TCF25: variants seen among roughly 807,000 people sequenced by gnomAD.
The protein encoded by TCF25 is ribosome quality control complex subunit TCF25.
In TCF25, 41 loss-of-function variants were observed where a neutral mutation model predicts 83.1. That is an observed-to-expected ratio of 0.49 (90% CI 0.38 to 0.64). The LOEUF is 0.64. Ranked by LOEUF, TCF25 falls within the 30% of genes least tolerant of loss-of-function variation. The pLI is 0.00. For synonymous variants in TCF25, 458 were observed against 365.0 expected (o/e 1.25, Z -2.90); for missense variants, 979 against 914.5 (o/e 1.07, Z -0.91).
chr16:89,909,176 C>T (rs1304504613), intron 16 of TCF25: 18 of 1,262,732 alleles, frequency 1.4e-5, no homozygotes, highest in Non-Finnish European at 1.9e-5. Flanking sequence ...CAAAACTGCA[C>T]CAGCCTGGCC....
At chr16:89,892,080 C>G (rs1057419631) in intron 5 of TCF25, 113 bp from the exon 6 acceptor site, 1 of 988,096 alleles carries the variant, frequency 1.0e-6, no homozygotes. Context: ...GCCCCACATG[C>G]CTTCTCTGCC....
intron 1 of TCF25, among the ~76,000 whole-genome samples, chr16:89,881,076 G>A (rs944139657): frequency 3.9e-5 from 6 of 152,342 alleles, no homozygotes; most frequent in South Asian, 2.1e-4. Flanking sequence ...CTCAACGGGC[G>A]TAAGTTGCTC....
chr16:89,898,710 T>G, intron 10 of TCF25, 57 bp from the exon 11 acceptor site: 1 of 1,612,182 alleles, frequency 6.2e-7, no homozygotes, highest in South Asian at 1.1e-5. Context: ...AGGCCCACTC[T>G]CAGCCTGACG....
At chr16:89,896,555 T>A (rs1321893933) in intron 9 of TCF25, among the ~76,000 whole-genome samples, 1 of 147,370 alleles carries the variant, frequency 6.8e-6, no homozygotes, top group Admixed American at 6.7e-5. Flanking sequence ...CAGCATTTTT[T>A]TTTTTTTTTT....
chr16:89,894,513 G>A (rs1036133166), intron 7 of TCF25, among the ~76,000 whole-genome samples: 11 of 152,216 alleles, frequency 7.2e-5, no homozygotes, highest in Non-Finnish European at 1.3e-4. Flanking sequence ...CTCTTTCTTG[G>A]GGCTTAGTGG....
At chr16:89,900,441 C>T (rs2044229790) in intron 11 of TCF25, among the ~76,000 whole-genome samples, 194 bp from the exon 12 acceptor site, 2 of 152,184 alleles carry the variant, frequency 1.3e-5, no homozygotes, top group South Asian at 4.1e-4. Flanking sequence ...TCCTCTGTAT[C>T]TTCTGCATGC....
At chr16:89,893,919 C>T (rs2043622458) in intron 7 of TCF25, 61 bp downstream of exon 7, 1 of 1,544,930 alleles carries the variant, frequency 6.5e-7, no homozygotes, top group Non-Finnish European at 8.7e-7. Context: ...CTGCCCTGGG[C>T]CGCCTGCTTC....
intron 9 of TCF25, among the ~76,000 whole-genome samples, chr16:89,896,354 G>C (rs978690895): frequency 6.6e-6 from 1 of 152,008 alleles, no homozygotes; most frequent in Admixed American, 6.6e-5. Flanking sequence ...GTCCAGCCTG[G>C]GCACCATAGT....
At chr16:89,881,049 A>G (rs17784386) in intron 1 of TCF25, among the ~76,000 whole-genome samples, 11,499 of 152,226 alleles carry the variant, frequency 0.076, 649 homozygotes, top group East Asian at 0.26. Context: ...TAACACGTCT[A>G]TACTGCCATG....
At chr16:89,897,578 C>G (rs1230392317) in intron 9 of TCF25, among the ~76,000 whole-genome samples, 1 of 152,214 alleles carries the variant, frequency 6.6e-6, no homozygotes, top group African/African-American at 2.4e-5. Context: ...AGTTTTGTCT[C>G]TTCCAATGAA....
intron 2 of TCF25, chr16:89,883,856 A>G (rs1047889125): frequency 2.1e-5 from 5 of 237,200 alleles, no homozygotes; most frequent in African/African-American, 1.1e-4. Flanking sequence ...TGTCCTTCCT[A>G]ACTGTGCCCC....
chr16:89,890,879 A>G lies in TCF25; in HGVS notation c.615-1314A>G, dbSNP rs541246952. Among the ~76,000 whole-genome samples the G allele has an allele frequency of 5.3e-5, 8 of 152,170 alleles. No homozygotes were observed. In the East Asian group the frequency reaches 1.5e-3, roughly 29 times the overall value. On this transcript the variant is annotated intron_variant, in intron 5 of 17. Transcript: ENST00000263346. ...TTTTTTGTTTATTTATTTCTTTAAA[A>G]ATTTAAGTCCTACCAAAAGACTTAC...
chr16:89,878,525 A>G (rs1181906654), intron 1 of TCF25: 1 of 1,240,576 alleles, frequency 8.1e-7, no homozygotes, highest in Non-Finnish European at 1.0e-6. Context: ...ATTAACTGAA[A>G]TGCTGATCGA....
At chr16:89,884,722 CCCTCT>C (rs2042854466) in intron 3 of TCF25, 66 bp downstream of exon 3, 2 of 1,467,916 alleles carry the variant, frequency 1.4e-6, no homozygotes, top group African/African-American at 3.6e-5. Context: ...CTGCCTGACG[CCCTCT>C]CCCTCTGCCT....
intron 1 of TCF25, among the ~76,000 whole-genome samples, chr16:89,877,091 G>T (rs2042252304): frequency 6.7e-6 from 1 of 149,962 alleles, no homozygotes; most frequent in African/African-American, 2.5e-5. Flanking sequence ...AATACAGCGA[G>T]ACTCTGTCTC....
At chr16:89,908,835 A>AGCT (rs2045300604) in intron 16 of TCF25, 1 of 956,826 alleles carries the variant, frequency 1.0e-6, no homozygotes, top group African/African-American at 1.8e-5. Context: ...CCCAGCTCCC[A>AGCT]CCTCGCAGCT....
chr16:89,887,003 A>G (rs959967045), intron 4 of TCF25, among the ~76,000 whole-genome samples: 39 of 152,116 alleles, frequency 2.6e-4, no homozygotes, highest in African/African-American at 9.4e-4. Flanking sequence ...GAGAACTTCT[A>G]GTTTTACTTC....
At position 89,893,767 on chromosome 16, in the gene TCF25, C is replaced by T. The variant is rs1555612398; in HGVS notation, c.737C>T (p.Ser246Phe). The change falls in exon 7 of 18, where the codon TCC (serine) becomes TTC (phenylalanine). Residue 246 changes from serine to phenylalanine, a missense_variant. Ser to Phe is a radical substitution (Grantham distance 155). Transcript: ENST00000263346. ...MRLLESKKGL[S>F]FFAFEHSEEY... ...CTGCTGGAATCAAAAAAAGGCCTCT[C>T]CTTCTTTGCGTTTGAGCACAGTGAG... 1.9e-6 allele frequency: 3 copies of T among 1,613,804 alleles called. No homozygotes were observed. Among genetic ancestry groups the T allele is most frequent in the Non-Finnish European group, 2.5e-6 (3 of 1,179,936 alleles).
intron 5 of TCF25, 125 bp downstream of exon 5, chr16:89,887,842 TA>T: frequency 2.4e-6 from 2 of 830,800 alleles, no homozygotes; most frequent in Non-Finnish European, 3.6e-6. Context: ...AGTGCACACG[TA>T]ACCCTTAGAA....
Sources: gnomAD v4.1 joint callset for allele counts (sites outside exome capture counted in the v4.1 genomes callset) on GRCh38, gnomAD v4.1.1 for gene constraint, MANE v1.5 for transcripts, NCBI Gene and HGNC (gene_info 2026-07-23, HGNC 2026-07-21) for gene names.